Variants in SLC8A1 observed in about 807,000 individuals in gnomAD.
SLC8A1 encodes the protein solute carrier family 8 member A1.
Under a neutral mutation model 68.3 loss-of-function variants are expected in SLC8A1, and 18 were observed. The observed-to-expected ratio is 0.26, with a 90% confidence interval of 0.18 to 0.39. The LOEUF is 0.39. Ranked by LOEUF, SLC8A1 falls within the 10% of genes least tolerant of loss-of-function variation. The probability of loss-of-function intolerance (pLI) is 1.00; values close to 1 mark genes in which losing one functional copy is unlikely to be tolerated. For missense variants in SLC8A1, 985 were observed against 1,156.7 expected, an observed-to-expected ratio of 0.85 and a Z score of 2.15; for synonymous variants, 475 against 415.5, an observed-to-expected ratio of 1.14 and a Z score of -1.74.
At chr2:40,273,283 G>A (rs1018529052) in intron 2 of SLC8A1, among the ~76,000 whole-genome samples, 6 of 151,574 alleles carry the variant, frequency 4.0e-5, no homozygotes, top group Non-Finnish European at 4.4e-5. Flanking sequence ...AGTAGAGACG[G>A]GGTTTCTTCA....
At chr2:40,281,876 T>A (rs910122462) in intron 2 of SLC8A1, among the ~76,000 whole-genome samples, 13 of 152,210 alleles carry the variant, frequency 8.5e-5, no homozygotes, top group African/African-American at 3.1e-4. Context: ...CTGGGGCTTT[T>A]TGAAGACTCT....
chr2:40,338,034 G>A (rs1666533743), intron 2 of SLC8A1, among the ~76,000 whole-genome samples: 1 of 151,992 alleles, frequency 6.6e-6, no homozygotes, highest in African/African-American at 2.4e-5. Flanking sequence ...TCTGAACTTA[G>A]GAAATAATGA....
At chr2:40,199,804 G>C (rs1266123715) in intron 2 of SLC8A1, among the ~76,000 whole-genome samples, 1 of 151,490 alleles carries the variant, frequency 6.6e-6, no homozygotes, top group African/African-American at 2.4e-5. Context: ...TTAGGCTCTT[G>C]TTCTTAGTTT....
intron 1 of SLC8A1, among the ~76,000 whole-genome samples, chr2:40,432,784 T>C (rs542706216): frequency 3.3e-5 from 5 of 152,124 alleles, no homozygotes; most frequent in Non-Finnish European, 4.4e-5. Context: ...ATTTTTCTTT[T>C]AGAAGGATCT....
chr2:40,429,367 T>A (rs529509318), exon 2 of SLC8A1: 2 of 1,613,766 alleles, frequency 1.2e-6, no homozygotes, highest in Non-Finnish European at 1.7e-6. Context: ...CAGAGCACCA[T>A]CTAAGAAATT....
At chr2:40,491,813 C>A (rs1390093444) in intron 1 of SLC8A1, among the ~76,000 whole-genome samples, 2 of 152,002 alleles carry the variant, frequency 1.3e-5, no homozygotes, top group Non-Finnish European at 2.9e-5. Context: ...ACCAGCCTTG[C>A]ATCCCAGACC....
At chr2:40,185,511 T>C (rs1185237060) in intron 2 of SLC8A1, among the ~76,000 whole-genome samples, 1 of 152,140 alleles carries the variant, frequency 6.6e-6, no homozygotes, top group African/African-American at 2.4e-5. Context: ...TGTTGTGTGA[T>C]TACATGTTAT....
At position 40,097,436 on chromosome 2, in the gene SLC8A1, C is replaced by T. The variant is rs2033637435; in HGVS notation, c.*17817G>A. ...ACATATAACATACATGTATGACAAA[C>T]AATGCTTCTGCTTTTGATATTAACA... is the stretch of plus-strand genomic sequence containing the variant. On this transcript the variant is annotated 3_prime_UTR_variant, in exon 8 of 8. Coordinates refer to ENST00000406785, the Ensembl canonical transcript of SLC8A1. The T allele has an allele frequency of 2.6e-5, 4 of 151,962 alleles. No individual in the cohort carries two copies. The South Asian group carries it at 8.3e-4, about 31-fold the overall frequency. 9.4% of individuals were successfully genotyped at this position (151,962 alleles called of 1,614,324 possible).
intron 2 of SLC8A1, among the ~76,000 whole-genome samples, chr2:40,304,622 C>T (rs984225282): frequency 6.6e-6 from 1 of 152,116 alleles, no homozygotes; most frequent in African/African-American, 2.4e-5. Flanking sequence ...GGTTTGGCAT[C>T]CTCTTCAACA....
intron 6 of SLC8A1, among the ~76,000 whole-genome samples, chr2:40,145,863 G>A (rs546902750): frequency 6.6e-6 from 1 of 152,106 alleles, no homozygotes; most frequent in Non-Finnish European, 1.5e-5. Context: ...CCTTTTACAT[G>A]CTTTTACCTT....
intron 2 of SLC8A1, among the ~76,000 whole-genome samples, chr2:40,233,437 G>C (rs1180331657): frequency 6.8e-6 from 1 of 147,422 alleles, no homozygotes; most frequent in South Asian, 2.2e-4. Context: ...ACTTTTTGAT[G>C]GGGTTGTTTG....
chr2:40,446,752 C>T (rs1321396108), intron 1 of SLC8A1: 1 of 152,226 alleles, frequency 6.6e-6, no homozygotes, highest in Non-Finnish European at 1.5e-5. Flanking sequence ...CCATAGTCTT[C>T]ATCCTTAAGT....
At chr2:40,389,161 T>C (rs1575984779) in intron 2 of SLC8A1, among the ~76,000 whole-genome samples, 1 of 152,248 alleles carries the variant, frequency 6.6e-6, no homozygotes, top group South Asian at 2.1e-4. Flanking sequence ...TATTTCTATT[T>C]CAAAGTTGAT....
chr2:40,442,048 G>A (rs1236628074), intron 1 of SLC8A1, among the ~76,000 whole-genome samples: 1 of 111,982 alleles, frequency 8.9e-6, no homozygotes, highest in Non-Finnish European at 1.7e-5. Flanking sequence ...CGCAATAGTG[G>A]TGGGGTGGGG....
chr2:40,229,400 A>G (rs77920283), intron 2 of SLC8A1, among the ~76,000 whole-genome samples: 1 of 151,184 alleles, frequency 6.6e-6, no homozygotes, highest in Non-Finnish European at 1.5e-5. Context: ...TTAATTAAAC[A>G]GAGAAAACAC....
At chr2:40,301,822 TGA>T (rs1358519837) in intron 2 of SLC8A1, among the ~76,000 whole-genome samples, 2 of 152,138 alleles carry the variant, frequency 1.3e-5, no homozygotes, top group African/African-American at 4.8e-5. Flanking sequence ...TGGTGATTTG[TGA>T]GATTTTGGTG....
intron 2 of SLC8A1, among the ~76,000 whole-genome samples, chr2:40,346,090 A>G (rs1438530038): frequency 2.6e-5 from 4 of 151,548 alleles, no homozygotes; most frequent in African/African-American, 2.4e-5. Context: ...AAGAAAAAGA[A>G]AACCCTCAAG....
At chr2:40,380,587 T>C (rs1188052687) in intron 2 of SLC8A1, among the ~76,000 whole-genome samples, 1 of 152,088 alleles carries the variant, frequency 6.6e-6, no homozygotes, top group Non-Finnish European at 1.5e-5. Flanking sequence ...CACAAGTGGG[T>C]TCCACCAGCT....
At chr2:40,419,288 G>A (rs991448204) in intron 2 of SLC8A1, among the ~76,000 whole-genome samples, 1 of 152,168 alleles carries the variant, frequency 6.6e-6, no homozygotes, top group Non-Finnish European at 1.5e-5. Context: ...CAAGGACAAA[G>A]TTGCTGTCTA....
Sources: allele counts gnomAD v4.1 joint callset (sites outside exome capture counted in the v4.1 genomes callset), GRCh38; gene constraint gnomAD v4.1.1; transcripts MANE v1.5; gene names NCBI Gene and HGNC (gene_info 2026-07-23, HGNC 2026-07-21).